C3orf70: variants seen among roughly 807,000 people sequenced by gnomAD.
C3orf70 encodes the protein UPF0524 protein C3orf70.
A neutral mutation model predicts 20.7 loss-of-function variants in C3orf70; 15 were observed. The ratio of observed to expected loss-of-function variants is 0.72; its 90% CI spans 0.48 to 1.11. The LOEUF (loss-of-function observed/expected upper bound fraction) is 1.11, where lower values mean the gene tolerates loss of function less well. C3orf70 is among the 50% of genes most tolerant of loss of function. The pLI is 0.00. For missense variants in C3orf70, 332 were observed against 317.6 expected (o/e 1.05, Z -0.34); for synonymous variants, 161 against 125.7 (o/e 1.28, Z -1.88).
At chr3:185,122,068 C>T (rs1460121536) in intron 1 of C3orf70, among the ~76,000 whole-genome samples, 1 of 143,844 alleles carries the variant, frequency 7.0e-6, no homozygotes, top group South Asian at 2.2e-4. Flanking sequence ...CACTGCCCTC[C>T]AGCCTGGGTG....
chr3:185,110,534 G>A (rs6806113), intron 1 of C3orf70, among the ~76,000 whole-genome samples: 7,509 of 151,654 alleles, frequency 0.05, 602 homozygotes, highest in African/African-American at 0.17. Flanking sequence ...TAAGGGGGAC[G>A]TGTTAGGAGC....
intron 1 of C3orf70, among the ~76,000 whole-genome samples, chr3:185,123,942 G>A (rs1364609671): frequency 1.3e-5 from 2 of 152,090 alleles, no homozygotes; most frequent in East Asian, 1.9e-4. Context: ...AATTTTGTCT[G>A]TCAGAATTAT....
At chr3:185,152,204 A>T (rs1217051314) in intron 1 of C3orf70, among the ~76,000 whole-genome samples, 10 of 152,312 alleles carry the variant, frequency 6.6e-5, no homozygotes, top group Admixed American at 5.2e-4. Flanking sequence ...GAGAAAGAAA[A>T]AGAGGAGCAT....
chr3:185,146,163 G>A (rs981473809), intron 1 of C3orf70, among the ~76,000 whole-genome samples: 16 of 151,160 alleles, frequency 1.1e-4, no homozygotes, highest in Non-Finnish European at 1.5e-5. Context: ...ACCTATCAGC[G>A]TTCTCTATCT....
In C3orf70 at chr3:185,104,610, AGTG is replaced by A. The variant is rs532308817; in HGVS notation, c.197-21050_197-21048del. 5.8e-3 allele frequency among the ~76,000 whole-genome samples: 885 copies of A among 152,332 alleles called. 7 individuals carry two copies. The highest frequency in any genetic ancestry group is 0.02 in the African/African-American group (845 of 41,580). ...TCAATGATAGACTGGATAAAGAAAA[AGTG>A]GTACACATACACCATGGAAAACTAT... On this transcript the variant is annotated intron_variant, in intron 1 of 1. Transcript: ENST00000335012.
rs1203608333 is a variant in C3orf70, at chr3:185,091,908, C to CATATAT, written c.197-8346_197-8345insATATAT. On this transcript the variant is annotated intron_variant, in intron 1 of 1. Transcript: ENST00000335012. ...ATATATACACACATACACACACACA[C>CATATAT]ATACATATATATATATATATATATA... Among the ~76,000 whole-genome samples the CATATAT allele has an allele frequency of 4.7e-4, 28 of 58,968 alleles. 1 individual carries two copies. Among genetic ancestry groups the CATATAT allele is most frequent in the Admixed American group, 7.5e-4 (3 of 4,004 alleles). The allele number at this position is 58,968 out of a possible 152,430, so 38.7% of individuals were successfully genotyped here.
intron 1 of C3orf70, among the ~76,000 whole-genome samples, chr3:185,090,531 G>GGTAAATTAGGTAATTAGGTAAA (rs1250321719): frequency 6.6e-6 from 1 of 151,636 alleles, no homozygotes; most frequent in African/African-American, 2.4e-5. Context: ...AATATAATTA[G>GGTAAATTAGGTAATTAGGTAAA]AAAGGTAAAT....
intron 1 of C3orf70, among the ~76,000 whole-genome samples, chr3:185,099,604 C>T (rs566326198): frequency 3.3e-5 from 5 of 152,182 alleles, no homozygotes; most frequent in Non-Finnish European, 5.9e-5. Flanking sequence ...CCAGCCACTA[C>T]AAAAACACAC....
At chr3:185,113,897 C>G (rs904991438) in intron 1 of C3orf70, among the ~76,000 whole-genome samples, 4 of 152,108 alleles carry the variant, frequency 2.6e-5, no homozygotes, top group Non-Finnish European at 4.4e-5. Context: ...AAGTTGATTG[C>G]TCTAAGAAAA....
chr3:185,120,656 A>T (rs1478917131), intron 1 of C3orf70, among the ~76,000 whole-genome samples: 6 of 152,134 alleles, frequency 3.9e-5, no homozygotes, highest in Middle Eastern at 3.4e-3. Flanking sequence ...GGGAAATGCA[A>T]ATCAAAACCA....
intron 1 of C3orf70, among the ~76,000 whole-genome samples, chr3:185,148,497 C>T (rs1716920508): frequency 6.6e-6 from 1 of 152,208 alleles, no homozygotes; most frequent in Admixed American, 6.5e-5. Flanking sequence ...CAAATACACT[C>T]TTATCTCCAC....
At position 185,077,573 on chromosome 3, in the gene C3orf70, C is replaced by A. The variant is rs1043173053; in HGVS notation, c.*5434G>T. On this transcript the variant is annotated 3_prime_UTR_variant, in exon 2 of 2. Transcript: ENST00000335012. ...GGAAGGTTGTTCAATAGACTCCAAC[C>A]CTTGAAGCTGTTCTTTTCTGAGTAT... is the stretch of plus-strand genomic sequence containing the variant. 6.6e-6 allele frequency among the ~76,000 whole-genome samples: 1 copy of A among 151,982 alleles called. No homozygotes were observed. The highest frequency in any genetic ancestry group is 2.4e-5 in the African/African-American group (1 of 41,342).
intron 1 of C3orf70, among the ~76,000 whole-genome samples, chr3:185,133,925 C>T (rs1383576396): frequency 6.6e-6 from 1 of 151,994 alleles, no homozygotes; most frequent in Non-Finnish European, 1.5e-5. Flanking sequence ...CCCATCCATA[C>T]AAAAAACAGA....
In C3orf70 at chr3:185,077,965, G is replaced by GTATAT; in HGVS notation, c.*5041_*5042insATATA. The GTATAT allele has an allele frequency of 6.6e-6, 1 of 152,354 alleles. No homozygotes were observed. The highest frequency in any genetic ancestry group is 3.4e-3 in the Middle Eastern group (1 of 294). The allele number at this position is 152,354 out of a possible 1,614,324, so 9.4% of individuals were successfully genotyped here. On this transcript the variant is annotated 3_prime_UTR_variant, in exon 2 of 2. Coordinates refer to ENST00000335012, the MANE Select transcript of C3orf70 (RefSeq NM_001025266.3). The stretch of plus-strand genomic sequence containing the variant: ...CCATACGCTATTTCCTAGCACGTAG[G>GTATAT]AAAGACCTGATATATAAATGTTTCA...
chr3:185,112,486 C>T (rs73190979), intron 1 of C3orf70, among the ~76,000 whole-genome samples: 27,621 of 152,082 alleles, frequency 0.18, 2,929 homozygotes, highest in East Asian at 0.42. Context: ...AATAATTCCA[C>T]GATTTTCAAA....
intron 1 of C3orf70, among the ~76,000 whole-genome samples, chr3:185,084,849 A>T (rs1715426665): frequency 6.6e-6 from 1 of 152,202 alleles, no homozygotes; most frequent in South Asian, 2.1e-4. Flanking sequence ...GGCTCCTAAA[A>T]ATCCCAGAGA....
intron 1 of C3orf70, among the ~76,000 whole-genome samples, chr3:185,141,891 T>C (rs1716759830): frequency 6.6e-6 from 1 of 151,270 alleles, no homozygotes; most frequent in African/African-American, 2.4e-5. Context: ...TTAATAAAAA[T>C]AAGCAGACTC....
At chr3:185,134,116 C>CATATATATACATATATATATATATATAT (rs1716575409) in intron 1 of C3orf70, among the ~76,000 whole-genome samples, 1 of 134,672 alleles carries the variant, frequency 7.4e-6, no homozygotes, top group African/African-American at 2.7e-5. Context: ...AAAAATACAT[C>CATATATATACATATATATATATATATAT]ATATATATAT....
At chr3:185,102,740 A>C (rs1373777012) in intron 1 of C3orf70, among the ~76,000 whole-genome samples, 1 of 152,116 alleles carries the variant, frequency 6.6e-6, no homozygotes, top group Non-Finnish European at 1.5e-5. Flanking sequence ...ATAGAGCCCC[A>C]AAATAAGGCC....
Sources: allele counts gnomAD v4.1 joint callset (sites outside exome capture counted in the v4.1 genomes callset), GRCh38; gene constraint gnomAD v4.1.1; transcripts MANE v1.5; gene names NCBI Gene and HGNC (gene_info 2026-07-23, HGNC 2026-07-21).